Variants in BIRC2 observed in about 807,000 individuals in gnomAD.
The protein encoded by BIRC2 is baculoviral IAP repeat containing 2.
Under a neutral mutation model 60.9 loss-of-function variants are expected in BIRC2, and 18 were observed. The observed-to-expected ratio is 0.30, with a 90% confidence interval of 0.20 to 0.44. BIRC2 has a LOEUF of 0.44. Ranked by LOEUF, BIRC2 falls within the 20% of genes least tolerant of loss-of-function variation. The pLI is 1.00. For synonymous variants in BIRC2, 282 were observed against 247.7 expected (o/e 1.14, Z -1.30); for missense variants, 701 against 728.5 (o/e 0.96, Z 0.43).
At chr11:102,363,763 A>C (rs750014623) in intron 5 of BIRC2, 47 bp downstream of exon 5, 9 of 1,501,156 alleles carry the variant, frequency 6.0e-6, no homozygotes. Context: ...TTTTATAAGA[A>C]TTTTAGGAAT....
intron 5 of BIRC2, among the ~76,000 whole-genome samples, chr11:102,367,193 G>C (rs1174055613): frequency 6.6e-6 from 1 of 152,148 alleles, no homozygotes; most frequent in Non-Finnish European, 1.5e-5. Flanking sequence ...CAGTAGCATG[G>C]GCTAGGTATA....
chr11:102,376,477 A>T (rs1951715615), intron 6 of BIRC2, among the ~76,000 whole-genome samples: 1 of 152,234 alleles, frequency 6.6e-6, no homozygotes, highest in Non-Finnish European at 1.5e-5. Context: ...GAAAGAAGAT[A>T]GGCTTCTGTT....
At chr11:102,362,835 A>G (rs1356619658) in intron 3 of BIRC2, 61 bp from the exon 4 acceptor site, 2 of 1,298,154 alleles carry the variant, frequency 1.5e-6, no homozygotes, top group East Asian at 4.9e-5. Flanking sequence ...TTTTTCTAGA[A>G]TGATCAGGTT....
intron 5 of BIRC2, among the ~76,000 whole-genome samples, chr11:102,366,457 G>T (rs34704430): frequency 6.6e-4 from 100 of 151,236 alleles, no homozygotes; most frequent in Non-Finnish European, 1.1e-3. Flanking sequence ...AGCTCCACCC[G>T]CCGGGTTCAC....
chr11:102,373,468 T>A (rs924643945), intron 6 of BIRC2, among the ~76,000 whole-genome samples: 3 of 151,600 alleles, frequency 2.0e-5, no homozygotes, highest in African/African-American at 7.3e-5. Flanking sequence ...TTGAAAATTC[T>A]TTTCTTTAAG....
chr11:102,354,878 A>G (rs1951402701), intron 3 of BIRC2, among the ~76,000 whole-genome samples: 1 of 142,074 alleles, frequency 7.0e-6, no homozygotes, highest in Admixed American at 7.1e-5. Context: ...CCTGTTGGCC[A>G]TTTGTATATC....
At chr11:102,364,184 C>G (rs368742422) in intron 5 of BIRC2, among the ~76,000 whole-genome samples, 5,754 of 103,996 alleles carry the variant, frequency 0.055, 247 homozygotes, top group African/African-American at 0.065. Context: ...TACACACACA[C>G]ACAGAGAGAG....
At chr11:102,365,413 G>C (rs999484700) in intron 5 of BIRC2, among the ~76,000 whole-genome samples, 3 of 152,088 alleles carry the variant, frequency 2.0e-5, no homozygotes, top group Non-Finnish European at 4.4e-5. Context: ...AAAATACCTA[G>C]GAAGATTTAT....
intron 6 of BIRC2, among the ~76,000 whole-genome samples, chr11:102,372,084 G>T (rs1239766404): frequency 6.6e-6 from 1 of 152,134 alleles, no homozygotes; most frequent in African/African-American, 2.4e-5. Context: ...CTTGCTAGCG[G>T]TCTATCTATT....
At chr11:102,357,226 A>G (rs950747925) in intron 3 of BIRC2, among the ~76,000 whole-genome samples, 5 of 151,886 alleles carry the variant, frequency 3.3e-5, no homozygotes, top group African/African-American at 9.7e-5. Flanking sequence ...GGCTTCATAA[A>G]ATGAGTTTGG....
rs956633706 is a variant in BIRC2, at chr11:102,378,238, A to G, written c.*55A>G. 4 of 1,351,792 alleles carry G rather than the reference A, an allele frequency of 3.0e-6. No homozygotes were observed. The highest frequency in any genetic ancestry group is 4.0e-6 in the Non-Finnish European group (4 of 1,008,908). The allele number at this position is 1,351,792 out of a possible 1,614,324, so 83.7% of individuals were successfully genotyped here. On this transcript the variant is annotated 3_prime_UTR_variant, in exon 9 of 9. Transcript: ENST00000227758. ...AAAAAGGTCTTTAAAATATTGTTGA[A>G]CACTTGAAGCCATCTAAAGTAAAAA... is the stretch of plus-strand genomic sequence containing the variant.
At chr11:102,353,703 T>TG (rs1339634889) in intron 3 of BIRC2, among the ~76,000 whole-genome samples, 1 of 146,684 alleles carries the variant, frequency 6.8e-6, no homozygotes, top group East Asian at 2.0e-4. Context: ...TTTTTTTTTT[T>TG]GGTGAGAACT....
chr11:102,364,174 T>TACAC (rs376590420), intron 5 of BIRC2, among the ~76,000 whole-genome samples: 69 of 78,054 alleles, frequency 8.8e-4, no homozygotes, highest in East Asian at 2.3e-3. Flanking sequence ...TATATATATA[T>TACAC]ACACACACAC....
At chr11:102,360,686 CTTT>C (rs764762961) in intron 3 of BIRC2, among the ~76,000 whole-genome samples, 3 of 126,034 alleles carry the variant, frequency 2.4e-5, no homozygotes, top group East Asian at 4.7e-4. Context: ...TGTCACGTTT[CTTT>C]TTTTTTTTTT....
chr11:102,362,511 T>C (rs988173935), intron 3 of BIRC2, among the ~76,000 whole-genome samples: 2 of 152,208 alleles, frequency 1.3e-5, no homozygotes, highest in Non-Finnish European at 2.9e-5. Flanking sequence ...TGAGCAGTTA[T>C]TGTATTGTGA....
intron 6 of BIRC2, among the ~76,000 whole-genome samples, chr11:102,370,641 C>T (rs1360029635): frequency 3.7e-5 from 4 of 108,186 alleles, no homozygotes; most frequent in Non-Finnish European, 7.3e-5. Context: ...ATTGACTTGG[C>T]AATGCGGGCT....
Position 102,350,264 on chromosome 11 carries a change from A to G in BIRC2, c.410A>G (p.His137Arg), listed in dbSNP as rs114363568. The change falls in exon 2 of 9, where the codon CAT (histidine) becomes CGT (arginine). Residue 137 changes from histidine to arginine, a missense_variant. Around this residue, in one of 4 missense-constraint regions of BIRC2, gnomAD observed 375 missense variants for 365.9 expected, o/e 1.02. Transcript: ENST00000227758. Reference protein sequence around the residue: ...NTSPMRNSFAHSLSPTLEHSS... With the variant: ...NTSPMRNSFARSLSPTLEHSS... ...TCTCCAATGAGAAACAGTTTTGCAC[A>G]TTCATTATCTCCCACCTTGGAACAT... The G allele has an allele frequency of 8.6e-5, 139 of 1,614,206 alleles. No individual in the cohort carries two copies. The African/African-American group carries it at 1.3e-3, about 15-fold the overall frequency.
rs112186979 is a variant in BIRC2, at chr11:102,372,989, C to A, written c.1366+4441C>A. Among the ~76,000 whole-genome samples the A allele has an allele frequency of 2.0e-4, 30 of 151,892 alleles. No individual in the cohort carries two copies. In the East Asian group the frequency reaches 5.8e-3, roughly 29 times the overall value. Reference sequence around the variant, plus strand: ...GTTTTATCAGAGACTAGGATTGCAACCCCTGCCTCTTTTTGTTTTCCATTT... The same window carrying A: ...GTTTTATCAGAGACTAGGATTGCAAACCCTGCCTCTTTTTGTTTTCCATTT... On this transcript the variant is annotated intron_variant, in intron 6 of 8. Transcript: ENST00000227758.
At position 102,378,401 on chromosome 11, in the gene BIRC2, C is replaced by CTATA; in HGVS notation, c.*220_*223dup. The CTATA allele has an allele frequency of 2.3e-6, 1 of 433,556 alleles. No individual in the cohort carries two copies. The highest frequency in any genetic ancestry group is 3.9e-5 in the East Asian group (1 of 25,662). 26.9% of individuals were successfully genotyped at this position (433,556 alleles called of 1,614,324 possible). ...CAAGGGAAGATTTATGTTTGGTGAA[C>CTATA]TATATTAGTATGTATGTGTACCTAA... On this transcript the variant is annotated 3_prime_UTR_variant, in exon 9 of 9. Transcript: ENST00000227758.
Sources: allele counts gnomAD v4.1 joint callset (sites outside exome capture counted in the v4.1 genomes callset), GRCh38; gene constraint gnomAD v4.1.1; regional missense constraint gnomAD v4.1.1; transcripts MANE v1.5; gene names NCBI Gene and HGNC (gene_info 2026-07-23, HGNC 2026-07-21).